The following WDR47 variants were observed in gnomAD, a reference collection of about 807,000 sequenced individuals.
WDR47 encodes the protein WD repeat-containing protein 47.
WDR47 carries 32 observed loss-of-function variants against 97.2 expected under a neutral mutation model. The observed-to-expected ratio is 0.33, with a 90% CI of 0.25 to 0.44. WDR47 has a LOEUF of 0.44. Among genes scored for constraint, WDR47 ranks in the 20% least tolerant of loss-of-function variants. WDR47 has a pLI of 1.00. For missense variants in WDR47, 782 were observed against 1,102.3 expected (o/e 0.71, Z 4.11); for synonymous variants, 375 against 373.5 (o/e 1.00, Z -0.05).
intron 10 of WDR47, 96 bp from the exon 11 acceptor site, chr1:108,983,547 A>G (rs1658512987): frequency 9.3e-7 from 1 of 1,076,432 alleles, no homozygotes; most frequent in African/African-American, 1.6e-5. Flanking sequence ...GGAAGGAGAA[A>G]AAGCGTGTCA....
chr1:109,037,740 T>C (rs1025925128), intron 1 of WDR47, among the ~76,000 whole-genome samples: 15 of 152,140 alleles, frequency 9.9e-5, no homozygotes, highest in African/African-American at 3.1e-4. Flanking sequence ...ACATGGTACT[T>C]AGCCATAGGA....
At chr1:109,037,180 T>C (rs1364325422) in intron 1 of WDR47, among the ~76,000 whole-genome samples, 1 of 150,886 alleles carries the variant, frequency 6.6e-6, no homozygotes, top group Non-Finnish European at 1.5e-5. Context: ...AAATACAAAA[T>C]TAGCCAGGCG....
At chr1:109,006,695 T>C (rs1660650129) in intron 5 of WDR47, among the ~76,000 whole-genome samples, 1 of 152,230 alleles carries the variant, frequency 6.6e-6, no homozygotes. Context: ...AGCTAGAAAA[T>C]AGAGCTTGAA....
intron 10 of WDR47, among the ~76,000 whole-genome samples, chr1:108,983,965 A>G (rs1407878909): frequency 6.6e-6 from 1 of 152,250 alleles, no homozygotes; most frequent in Non-Finnish European, 1.5e-5. Context: ...TACATAGTCC[A>G]GTATAAAGCA....
At chr1:109,001,216 G>C (rs1660159201) in intron 7 of WDR47, among the ~76,000 whole-genome samples, 1 of 152,000 alleles carries the variant, frequency 6.6e-6, no homozygotes, top group Non-Finnish European at 1.5e-5. Flanking sequence ...TCGAACTCAG[G>C]AGTCAGAGGT....
intron 7 of WDR47, among the ~76,000 whole-genome samples, chr1:108,997,704 G>T (rs1257311010): frequency 7.3e-6 from 1 of 137,046 alleles, no homozygotes; most frequent in Non-Finnish European, 1.5e-5. Flanking sequence ...AGCTTGCAGT[G>T]AGCCGAGATA....
intron 1 of WDR47, among the ~76,000 whole-genome samples, chr1:109,034,205 C>A (rs6671194): frequency 0.056 from 8,572 of 152,102 alleles, 268 homozygotes; most frequent in Non-Finnish European, 0.062. Context: ...GTAGAATCAC[C>A]TGAACCCAGG....
At chr1:108,983,928 A>G (rs1402047681) in intron 10 of WDR47, among the ~76,000 whole-genome samples, 1 of 152,250 alleles carries the variant, frequency 6.6e-6, no homozygotes, top group Non-Finnish European at 1.5e-5. Context: ...GAGACTACCC[A>G]TATACAGTAA....
At chr1:109,036,249 C>T (rs527633519) in intron 1 of WDR47, among the ~76,000 whole-genome samples, 111 of 152,172 alleles carry the variant, frequency 7.3e-4, no homozygotes, top group Non-Finnish European at 1.2e-3. Flanking sequence ...CCGTCATCCT[C>T]CTCTAAATAT....
At chr1:108,995,472 G>T in intron 8 of WDR47, 108 bp downstream of exon 8, 1 of 1,325,216 alleles carries the variant, frequency 7.5e-7, no homozygotes, top group Non-Finnish European at 1.0e-6. Context: ...AAATTGGTAG[G>T]CAGTAAGCTC....
At chr1:109,023,151 C>T (rs1469116378) in intron 2 of WDR47, among the ~76,000 whole-genome samples, 2 of 151,672 alleles carry the variant, frequency 1.3e-5, no homozygotes, top group East Asian at 1.9e-4. Flanking sequence ...TGCAGTGAGC[C>T]GACATCTCGC....
intron 11 of WDR47, 122 bp downstream of exon 11, chr1:108,983,160 A>G: frequency 9.4e-7 from 1 of 1,064,102 alleles, no homozygotes. Flanking sequence ...AGAATTATTG[A>G]AAAAATTATT....
intron 9 of WDR47, among the ~76,000 whole-genome samples, chr1:108,990,272 G>A (rs535875492): frequency 3.7e-4 from 56 of 151,522 alleles, no homozygotes; most frequent in African/African-American, 1.2e-3. Context: ...ACAATGGCGC[G>A]ATCTTGGCTC....
intron 7 of WDR47, 125 bp from the exon 8 acceptor site, chr1:108,995,962 G>T (rs762282844): frequency 4.0e-6 from 4 of 1,004,560 alleles, no homozygotes; most frequent in Non-Finnish European, 5.7e-6. Flanking sequence ...GGCAAATTTA[G>T]TGTTAAAAAT....
At chr1:109,011,778 A>C in intron 4 of WDR47, 60 bp from the exon 5 acceptor site, 1 of 1,449,942 alleles carries the variant, frequency 6.9e-7, no homozygotes, top group South Asian at 1.4e-5. Flanking sequence ...TGAAATATGA[A>C]AACGACAAGA....
chr1:108,997,624 G>A (rs1659855090), intron 7 of WDR47, among the ~76,000 whole-genome samples: 1 of 151,738 alleles, frequency 6.6e-6, no homozygotes, highest in Admixed American at 6.6e-5. Flanking sequence ...GCCAGGCGTG[G>A]TGGTGGGCGC....
intron 1 of WDR47, among the ~76,000 whole-genome samples, chr1:109,038,033 C>T (rs1355295224): frequency 6.6e-6 from 1 of 151,900 alleles, no homozygotes; most frequent in Non-Finnish European, 1.5e-5. Flanking sequence ...GACATGAGGT[C>T]TCACTATGTT....
rs1657951147 is a variant in WDR47 at position 108,976,971 on chromosome 1, T to C, written c.2399-2217A>G. Among the ~76,000 whole-genome samples, 4 of 152,256 alleles carry C rather than the reference T, an allele frequency of 2.6e-5. No homozygotes were observed. In the South Asian group the frequency reaches 8.3e-4, roughly 32 times the overall value. On this transcript the variant is annotated intron_variant, in intron 13 of 14. Coordinates refer to ENST00000369962, the MANE Select transcript of WDR47 (RefSeq NM_001142551.2). ...TTAAGATTTAAAGTCACTGAAGGTG[T>C]GAGGTGACCAGGCTTATTTTTTCAA...
intron 7 of WDR47, among the ~76,000 whole-genome samples, chr1:108,998,121 T>C (rs549314373): frequency 6.6e-6 from 1 of 150,548 alleles, no homozygotes; most frequent in Admixed American, 6.6e-5. Flanking sequence ...TCTTGTGAAA[T>C]GTACATATAT....
Sources: allele counts gnomAD v4.1 joint callset (sites outside exome capture counted in the v4.1 genomes callset), GRCh38; gene constraint gnomAD v4.1.1; transcripts MANE v1.5; gene names NCBI Gene and HGNC (gene_info 2026-07-23, HGNC 2026-07-21).